MYBPC1: variants seen among roughly 807,000 people sequenced by gnomAD.
MYBPC1 encodes the protein myosin-binding protein C, slow-type.
A neutral mutation model predicts 147.1 loss-of-function variants in MYBPC1; 52 were observed. That is an observed-to-expected ratio of 0.35 (90% confidence interval 0.28 to 0.45). The LOEUF (loss-of-function observed/expected upper bound fraction) is 0.45, where lower values mean the gene tolerates loss of function less well. MYBPC1 is among the 20% of genes least tolerant of loss of function. The pLI, the probability that MYBPC1 is intolerant of heterozygous loss-of-function variation, is 1.00. For synonymous variants in MYBPC1, 477 were observed against 475.9 expected (o/e 1.00, Z -0.03); for missense variants, 1,228 against 1,440.3 (o/e 0.85, Z 2.39).
At chr12:101,683,738 G>T (rs1034719386) in intron 30 of MYBPC1, among the ~76,000 whole-genome samples, 1 of 152,240 alleles carries the variant, frequency 6.6e-6, no homozygotes, top group East Asian at 1.9e-4. Flanking sequence ...CTATGCCTGA[G>T]TTTACAATAT....
chr12:101,690,594 G>T (rs866402842), downstream of MYBPC1, among the ~76,000 whole-genome samples: 35 of 152,214 alleles, frequency 2.3e-4, no homozygotes, highest in African/African-American at 7.5e-4. Context: ...CTCAGAAAAA[G>T]ATTATAAATA....
chr12:101,614,970 A>AT (rs1433458449), intron 2 of MYBPC1: 2 of 254,966 alleles, frequency 7.8e-6, no homozygotes, highest in African/African-American at 4.5e-5. Context: ...TCAACTTGAC[A>AT]TATGTCACTA....
At chr12:101,663,375 T>C (rs746442119) in intron 21 of MYBPC1, 51 bp from the exon 22 acceptor site, 1 of 1,511,680 alleles carries the variant, frequency 6.6e-7, no homozygotes, top group East Asian at 2.2e-5. Context: ...GTTCCTGCAC[T>C]ATAGCTGTGT....
Position 101,675,287 on chromosome 12 carries a change from T to C in MYBPC1, c.2810-5T>C. ...TTGCAGTGACACCATGAATTCATCC[T>C]GTAGACCGTCCAGGTCCACCCCAAA... On this transcript the variant is annotated splice_region_variant and splice_polypyrimidine_tract_variant and intron_variant, in intron 25 of 31. Coordinates refer to ENST00000361466, the MANE Select transcript of MYBPC1 (RefSeq NM_002465.4). 6.2e-7 allele frequency: 1 copy of C among 1,614,002 alleles called. No individual in the cohort carries two copies.
intron 30 of MYBPC1, 86 bp from the exon 31 acceptor site, chr12:101,684,296 T>A: frequency 9.6e-7 from 1 of 1,037,852 alleles, no homozygotes; most frequent in Non-Finnish European, 1.5e-6. Context: ...TGACCATAAT[T>A]TCATCCAACA....
Position 101,634,044 on chromosome 12 carries a change from C to T in MYBPC1, c.557-510C>T, listed in dbSNP as rs1287629874. The stretch of plus-strand genomic sequence containing the variant: ...CCCGAGTAGCTGGGACTACAGGCGC[C>T]CGCCACCACGGCCGGCTAATTTTGT... On this transcript the variant is annotated intron_variant, in intron 8 of 31. Coordinates refer to ENST00000361466, the MANE Select transcript of MYBPC1 (RefSeq NM_002465.4). Among the ~76,000 whole-genome samples, 7 of 152,154 alleles carry T rather than the reference C, an allele frequency of 4.6e-5. No individual in the cohort carries two copies. In the South Asian group the frequency reaches 1.5e-3, roughly 32 times the overall value.
chr12:101,629,461 G>T lies in MYBPC1; in HGVS notation c.206G>T (p.Gly69Val). 2 of 1,613,172 alleles carry T rather than the reference G, an allele frequency of 1.2e-6. No homozygotes were observed. The highest frequency in any genetic ancestry group is 8.5e-7 in the Non-Finnish European group (1 of 1,179,266). ...TGGACCCTTGTCGAAACTCCTCCTG[G>T]GGAGGAACAAGCCAAGCAGAATGCC... ...SDWTLVETPPGEEQAKQNANS... is the reference protein window; with the variant it reads ...SDWTLVETPPVEEQAKQNANS... Residue 69 changes from glycine to valine, a missense_variant, in exon 6 of 32, where the codon GGG becomes GTG. By Grantham distance (109) the Gly-to-Val change is moderately radical. Around this residue, in one of 2 missense-constraint regions of MYBPC1, gnomAD observed 151 missense variants for 126.1 expected, o/e 1.20. Transcript: ENST00000361466.
chr12:101,610,823 A>G (rs1444095962), intron 1 of MYBPC1, among the ~76,000 whole-genome samples: 2 of 152,120 alleles, frequency 1.3e-5, no homozygotes, highest in African/African-American at 4.8e-5. Flanking sequence ...CTTGTCCAAC[A>G]TAGGTAGCAG....
chr12:101,657,910 C>T lies in MYBPC1; in HGVS notation c.1768-1762C>T, dbSNP rs1203824024. Among the ~76,000 whole-genome samples, 4 of 152,064 alleles carry T rather than the reference C, an allele frequency of 2.6e-5. No individual in the cohort carries two copies. The East Asian group carries it at 7.7e-4, about 29-fold the overall frequency. The stretch of plus-strand genomic sequence containing the variant: ...GCAAAAATTCTAATGAAACATTAGC[C>T]ACGAGGTCAGGAGATCGAGACCATC... On this transcript the variant is annotated intron_variant, in intron 18 of 31. Transcript: ENST00000361466.
chr12:101,630,522 A>G (rs1889667452), intron 6 of MYBPC1, among the ~76,000 whole-genome samples: 1 of 152,358 alleles, frequency 6.6e-6, no homozygotes, highest in South Asian at 2.1e-4. Flanking sequence ...ATGCTGAGCC[A>G]GTGTCTGCTG....
intron 22 of MYBPC1, among the ~76,000 whole-genome samples, chr12:101,665,085 TGATA>T (rs1474084740): frequency 6.6e-6 from 1 of 152,166 alleles, no homozygotes; most frequent in Admixed American, 6.5e-5. Context: ...TACAGCAAAA[TGATA>T]GATGGCTGTC....
At position 101,678,048 on chromosome 12, in the gene MYBPC1, T is replaced by C. The variant is rs2136816442; in HGVS notation, c.3110-54T>C. ...TGTGTAAAGTATGCCACCAATAATA[T>C]ATTCTCAGGCCAATTTACATAATTT... On this transcript the variant is annotated intron_variant, in intron 27 of 31. Transcript: ENST00000361466. 1.6e-5 allele frequency: 26 copies of C among 1,580,540 alleles called. 1 individual carries two copies. The South Asian group carries it at 2.9e-4, about 17-fold the overall frequency.
At chr12:101,651,830 C>T (rs1894528473) in intron 16 of MYBPC1, among the ~76,000 whole-genome samples, 1 of 152,074 alleles carries the variant, frequency 6.6e-6, no homozygotes. Flanking sequence ...ATCCCAACTA[C>T]TTGGGAGGTG....
chr12:101,637,841 G>T (rs1891299127), intron 10 of MYBPC1, among the ~76,000 whole-genome samples: 1 of 152,126 alleles, frequency 6.6e-6, no homozygotes, highest in Non-Finnish European at 1.5e-5. Context: ...ATATTAATGG[G>T]TGTGATTTAT....
intron 23 of MYBPC1, among the ~76,000 whole-genome samples, chr12:101,669,388 G>A (rs187827368): frequency 2.6e-4 from 39 of 152,296 alleles, no homozygotes; most frequent in Admixed American, 1.0e-3. Flanking sequence ...GCAGTGACAT[G>A]CTCTAGTATC....
chr12:101,687,798 A>G (rs7970837), downstream of MYBPC1, among the ~76,000 whole-genome samples: 78,947 of 151,906 alleles, frequency 0.52, 21,186 homozygotes, highest in Admixed American at 0.6. Flanking sequence ...GGCTGCTTAT[A>G]CGTGTATGGT....
chr12:101,669,951 A>AAAAAACTAT, intron 23 of MYBPC1: 6 of 343,372 alleles, frequency 1.7e-5, no homozygotes, highest in Non-Finnish European at 2.8e-5. Context: ...AAAAAAAAAA[A>AAAAAACTAT]GAAACTATGA....
Position 101,659,938 on chromosome 12 carries a change from C to G in MYBPC1, c.1927+107C>G, listed in dbSNP as rs1565975694. The G allele has an allele frequency of 3.6e-6, 5 of 1,408,322 alleles. No individual in the cohort carries two copies. The Admixed American group carries it at 7.6e-5, about 21-fold the overall frequency. The allele number at this position is 1,408,322 out of a possible 1,614,324, so 87.2% of individuals were successfully genotyped here. ...CTTCCATTTCCTTCCTTTGTCTTTC[C>G]CTTATCTTCTTTTTTTTTCTTGCCT... On this transcript the variant is annotated intron_variant, in intron 19 of 31. Transcript: ENST00000361466.
rs1247355262 is a variant in MYBPC1, at chr12:101,642,573, A to G, written c.820A>G (p.Lys274Glu). 6.2e-7 allele frequency: 1 copy of G among 1,611,572 alleles called. No homozygotes were observed. Among genetic ancestry groups the G allele is most frequent in the Non-Finnish European group, 8.5e-7 (1 of 1,179,020 alleles). ...ACTCAAGCGCATGCGCAGAGAGGAG[A>G]AGAAGAGCGCAGGTGAGCGCTCCCG... ...KRLKRMRREE[K>E]KSAAFAKILD... is the part of the protein sequence containing the mutation. The change falls in exon 11 of 32, where the codon AAG becomes GAG. Residue 274 changes from lysine (K) to glutamate (E), a missense_variant. Physicochemically the swap from Lys to Glu is moderately conservative, Grantham distance 56. Coordinates refer to ENST00000361466, the MANE Select transcript of MYBPC1 (RefSeq NM_002465.4).
Sources: gnomAD v4.1 joint callset for allele counts (sites outside exome capture counted in the v4.1 genomes callset) on GRCh38, gnomAD v4.1.1 for gene constraint, gnomAD v4.1.1 regional missense constraint, MANE v1.5 for transcripts, NCBI Gene and HGNC (gene_info 2026-07-23, HGNC 2026-07-21) for gene names.